Variants in PLA2G7 observed in about 807,000 individuals in gnomAD.
PLA2G7 encodes phospholipase A2 group VII, also known as platelet-activating factor acetylhydrolase.
Under a neutral mutation model 49.6 loss-of-function variants are expected in PLA2G7, and 63 were observed. That is an observed-to-expected ratio of 1.27 (90% CI 1.04 to 1.57). The LOEUF (loss-of-function observed/expected upper bound fraction) is 1.57. PLA2G7 is among the 40% of genes most tolerant of loss of function. PLA2G7 has a pLI of 0.00. For missense variants in PLA2G7, 596 were observed against 521.2 expected (o/e 1.14, Z -1.40); for synonymous variants, 193 against 169.9 (o/e 1.14, Z -1.06).
chr6:46,717,584 C>G (rs1365001071), intron 2 of PLA2G7, among the ~76,000 whole-genome samples: 1 of 152,084 alleles, frequency 6.6e-6, no homozygotes, highest in Non-Finnish European at 1.5e-5. Flanking sequence ...AACCACACAG[C>G]CTGCAACTCA....
chr6:46,716,878 C>A (rs946556939), intron 3 of PLA2G7, 97 bp downstream of exon 3: 1 of 1,252,164 alleles, frequency 8.0e-7, no homozygotes, highest in African/African-American at 1.5e-5. Context: ...GAGTCATTCT[C>A]AGGTGAGGGC....
chr6:46,723,119 A>G (rs1047901552), intron 1 of PLA2G7, among the ~76,000 whole-genome samples, 194 bp from the exon 2 acceptor site: 1 of 152,190 alleles, frequency 6.6e-6, no homozygotes, highest in Non-Finnish European at 1.5e-5. Flanking sequence ...CTACATTACT[A>G]AGGATTACAT....
intron 8 of PLA2G7, among the ~76,000 whole-genome samples, chr6:46,710,323 AACTG>A (rs1301919684): frequency 1.3e-5 from 2 of 152,160 alleles, no homozygotes; most frequent in Non-Finnish European, 1.5e-5. Context: ...TGTAGATCAA[AACTG>A]ACTAACTTTT....
chr6:46,728,544 A>G (rs1307642273), intron 1 of PLA2G7, among the ~76,000 whole-genome samples: 2 of 152,238 alleles, frequency 1.3e-5, no homozygotes, highest in East Asian at 3.8e-4. Context: ...CAAGTAACAT[A>G]TAATTAGTTG....
At chr6:46,705,019 TTC>T in intron 11 of PLA2G7, 132 bp downstream of exon 11, 1 of 720,372 alleles carries the variant, frequency 1.4e-6, no homozygotes, top group Non-Finnish European at 2.3e-6. Context: ...AATTTCTGTT[TTC>T]AAATTGATAT....
intron 4 of PLA2G7, 107 bp from the exon 5 acceptor site, chr6:46,714,660 CT>C: frequency 1.3e-6 from 1 of 748,928 alleles, no homozygotes; most frequent in Non-Finnish European, 2.4e-6. Context: ...TTTATATCTA[CT>C]TTTTTATGGA....
chr6:46,716,380 T>C lies in PLA2G7; in HGVS notation c.376+4A>G, dbSNP rs1765200190. On this transcript the variant is annotated splice_donor_region_variant and intron_variant, in intron 4 of 11. Transcript: ENST00000274793. ...CTACAAAGAAGGATCAACAGAAATCTTACCAAAGAGTAACCTCAAAATGTT... is the reference window on the plus strand; with the variant it reads ...CTACAAAGAAGGATCAACAGAAATCCTACCAAAGAGTAACCTCAAAATGTT... 4 of 1,614,028 alleles carry C rather than the reference T, an allele frequency of 2.5e-6. No homozygotes were observed. Among genetic ancestry groups the C allele is most frequent in the East Asian group, 2.2e-5 (1 of 44,866 alleles).
At chr6:46,727,360 C>T (rs1251734991) in intron 1 of PLA2G7, among the ~76,000 whole-genome samples, 1 of 152,210 alleles carries the variant, frequency 6.6e-6, no homozygotes, top group East Asian at 1.9e-4. Context: ...GATAAACCAT[C>T]CAAGTAAAAC....
chr6:46,716,279 G>A, intron 4 of PLA2G7, 105 bp downstream of exon 4: 1 of 1,123,708 alleles, frequency 8.9e-7, no homozygotes, highest in Non-Finnish European at 1.4e-6. Context: ...GAGCTATTTG[G>A]ACTGAAGAAA....
At chr6:46,715,437 G>C (rs1003295193) in intron 4 of PLA2G7, among the ~76,000 whole-genome samples, 1 of 152,118 alleles carries the variant, frequency 6.6e-6, no homozygotes, top group African/African-American at 2.4e-5. Context: ...TCTTTCATAG[G>C]GTTTTTGTGA....
intron 5 of PLA2G7, among the ~76,000 whole-genome samples, chr6:46,712,732 C>A (rs1765068995): frequency 6.6e-6 from 1 of 152,158 alleles, no homozygotes; most frequent in South Asian, 2.1e-4. Context: ...CTTGGCTCTG[C>A]CACTTCCCAG....
At chr6:46,708,815 A>G (rs1360379537) in intron 9 of PLA2G7, among the ~76,000 whole-genome samples, 3 of 152,246 alleles carry the variant, frequency 2.0e-5, no homozygotes, top group Admixed American at 1.3e-4. Flanking sequence ...GGTTGGTTCT[A>G]TGTGATCTCA....
At chr6:46,719,727 A>C (rs978700978) in intron 2 of PLA2G7, among the ~76,000 whole-genome samples, 4 of 152,178 alleles carry the variant, frequency 2.6e-5, no homozygotes, top group African/African-American at 9.7e-5. Flanking sequence ...CCCACAGTAC[A>C]GTTGTAAAGA....
intron 1 of PLA2G7, among the ~76,000 whole-genome samples, chr6:46,723,610 A>G (rs1211731304): frequency 1.3e-5 from 2 of 152,164 alleles, no homozygotes; most frequent in Non-Finnish European, 2.9e-5. Flanking sequence ...ATTAGCAAAA[A>G]CTATCTTGCA....
chr6:46,733,414 C>T (rs1765793397), intron 1 of PLA2G7, among the ~76,000 whole-genome samples: 1 of 150,336 alleles, frequency 6.7e-6, no homozygotes, highest in Non-Finnish European at 1.5e-5. Context: ...AGATTCACAA[C>T]ACTCCTAATG....
At chr6:46,712,421 G>T in intron 5 of PLA2G7, 84 bp from the exon 6 acceptor site, 1 of 983,172 alleles carries the variant, frequency 1.0e-6, no homozygotes, top group South Asian at 1.3e-5. Context: ...GAACATGGAG[G>T]CCATTACACC....
chr6:46,721,899 T>C (rs1465981808), intron 2 of PLA2G7, among the ~76,000 whole-genome samples: 1 of 152,018 alleles, frequency 6.6e-6, no homozygotes, highest in Non-Finnish European at 1.5e-5. Flanking sequence ...CTTGAACAAT[T>C]AGATCCAGAG....
chr6:46,731,930 G>A (rs1397961854), intron 1 of PLA2G7, among the ~76,000 whole-genome samples: 7 of 151,988 alleles, frequency 4.6e-5, no homozygotes, highest in Admixed American at 4.6e-4. Flanking sequence ...CAGTAAACTC[G>A]CTTCTGGCCT....
Position 46,704,611 on chromosome 6 carries a change from G to A in PLA2G7, c.1275C>T (p.Thr425=). 6.3e-7 allele frequency: 1 copy of A among 1,589,910 alleles called. No individual in the cohort carries two copies. The highest frequency in any genetic ancestry group is 1.1e-5 in the South Asian group (1 of 90,620). The part of the protein sequence containing the change: ...NLIPGTNINT[T]NQHIMLQNSS... ...AGTTCTGTAACATGATGTGTTGATT[G>A]GTTGTGTTAATGTTGGTCCCTGGAA... The change falls in exon 12 of 12, where the codon ACC becomes ACT. Residue 425 remains threonine, a synonymous_variant. Coordinates refer to ENST00000274793, the MANE Select transcript of PLA2G7 (RefSeq NM_005084.4).
Sources: allele counts gnomAD v4.1 joint callset (sites outside exome capture counted in the v4.1 genomes callset), GRCh38; gene constraint gnomAD v4.1.1; transcripts MANE v1.5; gene names NCBI Gene and HGNC (gene_info 2026-07-23, HGNC 2026-07-21).